The following DGKG variants were observed in gnomAD, a reference collection of about 807,000 sequenced individuals.
The protein encoded by DGKG is DAG kinase gamma.
Under a neutral mutation model 105.3 loss-of-function variants are expected in DGKG, and 78 were observed. The ratio of observed to expected loss-of-function variants is 0.74; its 90% CI spans 0.62 to 0.89. The LOEUF is 0.89. Ranked by LOEUF, DGKG falls within the 40% of genes least tolerant of loss-of-function variation. The pLI is 0.00. For missense variants in DGKG, 958 were observed against 1,020.1 expected, an observed-to-expected ratio of 0.94 and a Z score of 0.83; for synonymous variants, 346 against 367.1, an observed-to-expected ratio of 0.94 and a Z score of 0.66.
chr3:186,148,488 C>T lies in DGKG; in HGVS notation c.*1602G>A. ...CTCGTTTTCTTGTGTGGGGATATCC[C>T]ATCCACGCATGTGCTGTACGTTTGT... On this transcript the variant is annotated 3_prime_UTR_variant, in exon 25 of 25. Transcript: ENST00000265022. The T allele has an allele frequency of 9.1e-6, 9 of 985,416 alleles. No individual in the cohort carries two copies. The highest frequency in any genetic ancestry group is 4.7e-5 in the South Asian group (1 of 21,290). 61.0% of individuals were successfully genotyped at this position (985,416 alleles called of 1,614,324 possible). A position where few individuals can be genotyped will look rare whatever the true frequency, so the allele number is the denominator to read the frequency against.
chr3:186,259,447 A>G (rs1444433110), intron 16 of DGKG, among the ~76,000 whole-genome samples: 1 of 152,210 alleles, frequency 6.6e-6, no homozygotes, highest in Non-Finnish European at 1.5e-5. Context: ...CAGGTAAATC[A>G]TGGCAGGTGT....
intron 20 of DGKG, among the ~76,000 whole-genome samples, chr3:186,212,592 A>C (rs1398723172): frequency 6.6e-6 from 1 of 152,138 alleles, no homozygotes; most frequent in African/African-American, 2.4e-5. Flanking sequence ...GAGCTTTAAA[A>C]ATTTTCAGCA....
chr3:186,153,718 C>T (rs1347072878), intron 24 of DGKG, among the ~76,000 whole-genome samples: 1 of 152,206 alleles, frequency 6.6e-6, no homozygotes, highest in East Asian at 1.9e-4. Context: ...GGGACTTCTT[C>T]CTGAATGTTG....
At chr3:186,236,206 T>C (rs1720413052) in intron 20 of DGKG, among the ~76,000 whole-genome samples, 1 of 152,192 alleles carries the variant, frequency 6.6e-6, no homozygotes, top group African/African-American at 2.4e-5. Flanking sequence ...GCATCACTGC[T>C]GGGGTCTCCT....
intron 20 of DGKG, among the ~76,000 whole-genome samples, chr3:186,222,426 G>A (rs1381183882): frequency 7.9e-5 from 12 of 152,200 alleles, no homozygotes; most frequent in African/African-American, 2.4e-4. Flanking sequence ...TCAAGCCACA[G>A]TTCAGTCACT....
intron 21 of DGKG, among the ~76,000 whole-genome samples, chr3:186,190,328 T>C (rs1447617730): frequency 6.6e-6 from 1 of 152,188 alleles, no homozygotes; most frequent in East Asian, 1.9e-4. Context: ...TTTGTTACCC[T>C]GCTATTTGGC....
intron 1 of DGKG, among the ~76,000 whole-genome samples, chr3:186,346,299 A>G (rs1007933558): frequency 8.6e-5 from 13 of 151,878 alleles, no homozygotes; most frequent in African/African-American, 3.1e-4. Context: ...ACCATTTTTC[A>G]TTTTCATCTC....
chr3:186,252,981 T>C, intron 18 of DGKG, 112 bp downstream of exon 18: 4 of 866,382 alleles, frequency 4.6e-6, no homozygotes, highest in African/African-American at 1.6e-5. Flanking sequence ...GAGTTGAGTA[T>C]TATGCTGCGG....
chr3:186,196,373 A>C (rs1204160132), intron 21 of DGKG, among the ~76,000 whole-genome samples: 1 of 152,312 alleles, frequency 6.6e-6, no homozygotes, highest in Middle Eastern at 3.4e-3. Context: ...TCCTGACTGC[A>C]GGTGTTCCAC....
Position 186,284,288 on chromosome 3 carries a change from C to G in DGKG, c.594+372G>C, listed in dbSNP as rs1179333277. Among the ~76,000 whole-genome samples, 2 of 152,256 alleles carry G rather than the reference C, an allele frequency of 1.3e-5. No individual in the cohort carries two copies. Among genetic ancestry groups the G allele is most frequent in the South Asian group, 4.2e-4 (2 of 4,814 alleles). On this transcript the variant is annotated intron_variant, in intron 7 of 24. Coordinates refer to ENST00000265022, the MANE Select transcript of DGKG (RefSeq NM_001346.3). This position sits in a 1 kb window ranked among gnomAD's most constrained non-coding sequence, Gnocchi z 4.0. ...GTAACCAGCAGCCTCCTTCCTCGTG[C>G]CCTTTTCCCTTGGTCTTGTTGCCTC...
intron 12 of DGKG, among the ~76,000 whole-genome samples, chr3:186,268,124 T>C (rs1396384029): frequency 6.6e-6 from 1 of 152,202 alleles, no homozygotes; most frequent in African/African-American, 2.4e-5. Flanking sequence ...AGGAGGGAGA[T>C]GTTGATGAAC....
At chr3:186,223,575 C>G (rs1403545573) in intron 20 of DGKG, among the ~76,000 whole-genome samples, 1 of 152,094 alleles carries the variant, frequency 6.6e-6, no homozygotes, top group Non-Finnish European at 1.5e-5. Flanking sequence ...ATAAATACCC[C>G]CCTTCTCTTC....
At chr3:186,207,160 A>G (rs958910201) in intron 21 of DGKG, among the ~76,000 whole-genome samples, 2 of 152,226 alleles carry the variant, frequency 1.3e-5, no homozygotes, top group African/African-American at 2.4e-5. Flanking sequence ...AGAAGCATCT[A>G]GGGTGAACGT....
At chr3:186,178,557 C>G (rs997729287) in intron 22 of DGKG, among the ~76,000 whole-genome samples, 1 of 152,222 alleles carries the variant, frequency 6.6e-6, no homozygotes, top group Admixed American at 6.5e-5. Context: ...TGGAGTTCAA[C>G]TCCAGCTCAA....
intron 1 of DGKG, among the ~76,000 whole-genome samples, chr3:186,323,189 T>C (rs1002832072): frequency 2.0e-5 from 3 of 152,224 alleles, no homozygotes; most frequent in Non-Finnish European, 4.4e-5. Context: ...CTTTTCATGA[T>C]ACACAAAGCT....
intron 21 of DGKG, among the ~76,000 whole-genome samples, chr3:186,195,252 A>G (rs1032075127): frequency 6.6e-6 from 1 of 152,176 alleles, no homozygotes; most frequent in South Asian, 2.1e-4. Context: ...TCACTTTATC[A>G]CCACCAGACT....
At chr3:186,174,332 C>T (rs763867963) in intron 22 of DGKG, among the ~76,000 whole-genome samples, 8 of 152,120 alleles carry the variant, frequency 5.3e-5, no homozygotes, top group East Asian at 1.9e-4. Flanking sequence ...CAAGAAGTTC[C>T]GACTTTGCTA....
chr3:186,253,181 A>G lies in DGKG; in HGVS notation c.1512T>C (p.Asp504=), dbSNP rs61752078. 3.3e-3 allele frequency: 5,264 copies of G among 1,613,704 alleles called. 9 individuals carry two copies. Among genetic ancestry groups the G allele is most frequent in the Non-Finnish European group, 4.0e-3 (4,680 of 1,179,564 alleles). Residue 504 remains aspartate (D), a splice_region_variant and synonymous_variant, in exon 18 of 25, where the codon GAT becomes GAC. Coordinates refer to ENST00000265022, the MANE Select transcript of DGKG (RefSeq NM_001346.3). ...GTVGWILDCI[D]KANFAKHPPV... Reference sequence around the variant, plus strand: ...GTGGATGCTTTGCAAAGTTGGCCTTATCTGCAAGACACACAGAGGAACAGA... The same window carrying G: ...GTGGATGCTTTGCAAAGTTGGCCTTGTCTGCAAGACACACAGAGGAACAGA...
intron 20 of DGKG, among the ~76,000 whole-genome samples, chr3:186,216,611 CT>C (rs1719304838): frequency 1.3e-5 from 2 of 152,114 alleles, no homozygotes; most frequent in South Asian, 4.1e-4. Flanking sequence ...CTTCCTTTTC[CT>C]TTGTCAACAC....
Sources: allele counts gnomAD v4.1 joint callset (sites outside exome capture counted in the v4.1 genomes callset), GRCh38; gene constraint gnomAD v4.1.1; non-coding constraint Gnocchi (gnomAD v3.1); transcripts MANE v1.5; gene names NCBI Gene and HGNC (gene_info 2026-07-23, HGNC 2026-07-21).